The following CEP85L variants were observed in gnomAD, a reference collection of about 807,000 sequenced individuals.
CEP85L encodes the protein centrosomal protein 85L.
Under a neutral mutation model 100.3 loss-of-function variants are expected in CEP85L, and 60 were observed. The observed-to-expected ratio is 0.60, with a 90% CI of 0.49 to 0.74. The LOEUF is 0.74. Ranked by LOEUF, CEP85L falls within the 30% of genes least tolerant of loss-of-function variation. CEP85L has a pLI of 0.00. For missense variants in CEP85L, 973 were observed against 936.2 expected (o/e 1.04, Z -0.51); for synonymous variants, 319 against 322.7 (o/e 0.99, Z 0.12).
At chr6:118,698,125 G>T (rs1175294050) in intron 1 of CEP85L, among the ~76,000 whole-genome samples, 2 of 152,164 alleles carry the variant, frequency 1.3e-5, no homozygotes, top group Non-Finnish European at 2.9e-5. Context: ...TCAAGAAAAG[G>T]AGCTGAAGGG....
chr6:118,489,988 C>T (rs979205608), intron 6 of CEP85L, among the ~76,000 whole-genome samples: 1 of 150,872 alleles, frequency 6.6e-6, no homozygotes, highest in African/African-American at 2.5e-5. Flanking sequence ...TATATATACA[C>T]ACACACACGC....
At chr6:118,558,646 CACACACACACACACAGAGAG>C (rs1372679539) in intron 3 of CEP85L, among the ~76,000 whole-genome samples, 3 of 143,332 alleles carry the variant, frequency 2.1e-5, no homozygotes, top group African/African-American at 8.1e-5. Flanking sequence ...CACACACACA[CACACACACACACACAGAGAG>C]AGAGAGAGAG....
intron 3 of CEP85L, among the ~76,000 whole-genome samples, chr6:118,543,096 T>C (rs1778003296): frequency 6.6e-6 from 1 of 152,080 alleles, no homozygotes; most frequent in Non-Finnish European, 1.5e-5. Flanking sequence ...ACTTAGCTCA[T>C]CTGATGGCCT....
intron 2 of CEP85L, 24 bp downstream of exon 2, chr6:118,632,429 T>C (rs766366428): frequency 1.3e-6 from 2 of 1,563,004 alleles, no homozygotes; most frequent in Admixed American, 1.9e-5. Flanking sequence ...GATTCATATA[T>C]AAACAATAAG....
At chr6:118,559,750 T>C (rs921133125) in intron 3 of CEP85L, 2 of 168,048 alleles carry the variant, frequency 1.2e-5, no homozygotes, top group African/African-American at 4.8e-5. Flanking sequence ...TAAGTAATTT[T>C]TTCAAAGAAT....
At chr6:118,499,659 G>A (rs1775148078) in intron 5 of CEP85L, among the ~76,000 whole-genome samples, 1 of 151,632 alleles carries the variant, frequency 6.6e-6, no homozygotes. Flanking sequence ...GTGAGACTCT[G>A]TCTCAAAAAA....
intron 2 of CEP85L, among the ~76,000 whole-genome samples, chr6:118,573,690 A>G (rs1346869400): frequency 6.6e-6 from 1 of 152,166 alleles, no homozygotes; most frequent in Non-Finnish European, 1.5e-5. Flanking sequence ...TTATAGATAG[A>G]TGGGTATATA....
At chr6:118,540,521 C>T (rs1444201712) in intron 3 of CEP85L, among the ~76,000 whole-genome samples, 1 of 152,010 alleles carries the variant, frequency 6.6e-6, no homozygotes, top group Non-Finnish European at 1.5e-5. Context: ...CTTTGGGAGG[C>T]CAAGGCGGGC....
Position 118,515,993 on chromosome 6 carries a change from TGTG to T in CEP85L, c.1140-4581_1140-4579del, listed in dbSNP as rs572715859. Among the ~76,000 whole-genome samples, 16 of 152,282 alleles carry T rather than the reference TGTG, an allele frequency of 1.1e-4. No homozygotes were observed. The South Asian group carries it at 3.3e-3, about 32-fold the overall frequency. On this transcript the variant is annotated intron_variant, in intron 4 of 12. Transcript: ENST00000368491. ...CAACTCCCACTTATGAGTGAGAACATGTGGTGTCTGGTTTTCTGTTCCTGTGTT... is the reference window on the plus strand; with the variant it reads ...CAACTCCCACTTATGAGTGAGAACATGTGTCTGGTTTTCTGTTCCTGTGTT...
Position 118,630,242 on chromosome 6 carries a change from A to T in CEP85L, c.232+2211T>A, listed in dbSNP as rs567820921. Among the ~76,000 whole-genome samples, 6 of 152,346 alleles carry T rather than the reference A, an allele frequency of 3.9e-5. No homozygotes were observed. The East Asian group carries it at 1.2e-3, about 29-fold the overall frequency. The stretch of plus-strand genomic sequence containing the variant: ...GTTCCTTCTGTAACCTGTTGAATAT[A>T]GCTGTATGCCTAGCCAATCATCAGC... On this transcript the variant is annotated intron_variant, in intron 2 of 12. Coordinates refer to ENST00000368491, the MANE Select transcript of CEP85L (RefSeq NM_001042475.3).
intron 6 of CEP85L, among the ~76,000 whole-genome samples, chr6:118,484,611 T>G (rs1202849083): frequency 6.6e-6 from 1 of 152,212 alleles, no homozygotes; most frequent in East Asian, 1.9e-4. Context: ...ACAATGTTAT[T>G]GGGTGCCCAG....
chr6:118,493,694 TCTAA>T (rs755695890), intron 5 of CEP85L, among the ~76,000 whole-genome samples: 6 of 152,210 alleles, frequency 3.9e-5, no homozygotes, highest in African/African-American at 7.2e-5. Context: ...TAAGATTTTG[TCTAA>T]CTAATACGGA....
At chr6:118,465,633 T>G in intron 12 of CEP85L, 65 bp from the exon 13 acceptor site, 5 of 1,483,882 alleles carry the variant, frequency 3.4e-6, no homozygotes, top group Non-Finnish European at 4.6e-6. Context: ...TTAGAATTTT[T>G]CACCTTAATC....
chr6:118,561,577 TTCTTA>T lies in CEP85L; in HGVS notation c.1020+3947_1020+3951del, dbSNP rs137887206. 3.7e-3 allele frequency among the ~76,000 whole-genome samples: 567 copies of T among 152,228 alleles called. 3 individuals are homozygous for T. Among genetic ancestry groups the T allele is most frequent in the African/African-American group, 0.013 (539 of 41,566 alleles). On this transcript the variant is annotated intron_variant, in intron 3 of 12. Transcript: ENST00000368491. ...CAAATATGTTCTACTATAGAATAAG[TTCTTA>T]TCTTAATTTACAGGGCACTAAAAAC...
chr6:118,648,642 T>C (rs1185760276), intron 1 of CEP85L, among the ~76,000 whole-genome samples: 6 of 149,424 alleles, frequency 4.0e-5, no homozygotes, highest in Admixed American at 6.8e-5. Flanking sequence ...CTCGGGAGGC[T>C]GAGGCAGGAG....
At chr6:118,529,896 G>A (rs1332886194) in intron 3 of CEP85L, among the ~76,000 whole-genome samples, 2 of 152,006 alleles carry the variant, frequency 1.3e-5, no homozygotes, top group African/African-American at 2.4e-5. Context: ...AAATGTTAAT[G>A]TTTTCTTTTG....
intron 1 of CEP85L, among the ~76,000 whole-genome samples, chr6:118,693,713 G>A (rs1193274987): frequency 6.6e-6 from 1 of 152,230 alleles, no homozygotes. Flanking sequence ...GGACGTTGCT[G>A]CTGCTGCCAC....
chr6:118,696,264 C>CA (rs911027238), intron 1 of CEP85L, among the ~76,000 whole-genome samples: 12 of 136,684 alleles, frequency 8.8e-5, no homozygotes, highest in South Asian at 2.3e-4. Flanking sequence ...GACTCTGTCT[C>CA]AAAAAAAAAG....
chr6:118,539,308 A>G (rs956476816), intron 3 of CEP85L, among the ~76,000 whole-genome samples: 12 of 152,220 alleles, frequency 7.9e-5, no homozygotes, highest in African/African-American at 2.7e-4. Flanking sequence ...ACTGTGTTAC[A>G]AATTGTTTAC....
Sources: allele counts gnomAD v4.1 joint callset (sites outside exome capture counted in the v4.1 genomes callset), GRCh38; gene constraint gnomAD v4.1.1; transcripts MANE v1.5; gene names NCBI Gene and HGNC (gene_info 2026-07-23, HGNC 2026-07-21).